Variants in STON2 observed in about 807,000 individuals in gnomAD.
The protein encoded by STON2 is stonin-2.
In STON2, 29 loss-of-function variants were observed where a neutral mutation model predicts 65.7. The ratio of observed to expected loss-of-function variants is 0.44; its 90% CI spans 0.33 to 0.60. The LOEUF (loss-of-function observed/expected upper bound fraction) is 0.60. Ranked by LOEUF, STON2 falls within the 20% of genes least tolerant of loss-of-function variation. STON2 has a pLI of 0.03. For synonymous variants in STON2, 404 were observed against 414.2 expected, an observed-to-expected ratio of 0.98 and a Z score of 0.30; for missense variants, 1,054 against 1,118.1, an observed-to-expected ratio of 0.94 and a Z score of 0.82.
rs1897685038 is a variant in STON2, at chr14:81,343,261, A to G, written c.572-19074T>C. ...CCCCAATCCCAGCATCCTCTGTGGG[A>G]AAAGGACAATAATTTGGCAAAAGAG... On this transcript the variant is annotated intron_variant, in intron 4 of 7. Coordinates refer to ENST00000614646, the MANE Select transcript of STON2 (RefSeq NM_001394390.1). Among the ~76,000 whole-genome samples the G allele has an allele frequency of 2.6e-5, 4 of 152,190 alleles. No individual in the cohort carries two copies. In the South Asian group the frequency reaches 8.3e-4, roughly 32 times the overall value.
At chr14:81,396,317 A>G (rs1383802167) in intron 2 of STON2, 139 bp from the exon 3 acceptor site, 42 of 694,876 alleles carry the variant, frequency 6.0e-5, no homozygotes, top group Non-Finnish European at 8.5e-5. Flanking sequence ...AAAGAGCCAC[A>G]CCCATCTGAC....
chr14:81,318,451 C>A (rs1038797827), intron 5 of STON2, among the ~76,000 whole-genome samples: 1 of 152,224 alleles, frequency 6.6e-6, no homozygotes, highest in Admixed American at 6.5e-5. Flanking sequence ...ACTCCCTCTT[C>A]ATACACCCTT....
upstream of STON2, among the ~76,000 whole-genome samples, chr14:81,405,290 T>C (rs1427697128): frequency 6.6e-6 from 1 of 152,170 alleles, no homozygotes; most frequent in African/African-American, 2.4e-5. Flanking sequence ...ATTCAGCTTT[T>C]CCATTTTATA....
At position 81,312,131 on chromosome 14, in the gene STON2, G is replaced by T. The variant is rs528442651; in HGVS notation, c.742+11886C>A. Among the ~76,000 whole-genome samples the T allele has an allele frequency of 3.3e-5, 5 of 152,356 alleles. No individual in the cohort carries two copies. The East Asian group carries it at 5.8e-4, about 18-fold the overall frequency. On this transcript the variant is annotated intron_variant, in intron 5 of 7. Coordinates refer to ENST00000614646, the MANE Select transcript of STON2 (RefSeq NM_001394390.1). ...ATTCCTTCTCCCTCATAAGAAGAGA[G>T]ATTACATGATTGTCTTAGTCATTTT...
chr14:81,397,230 G>T (rs1442552776), intron 2 of STON2, among the ~76,000 whole-genome samples: 1 of 151,912 alleles, frequency 6.6e-6, no homozygotes, highest in Non-Finnish European at 1.5e-5. Flanking sequence ...TAGCCAACCG[G>T]TCCATCTGCA....
rs1474402482 is a variant in STON2, at chr14:81,264,139, C to T, written c.*4275G>A. 4 of 985,274 alleles carry T rather than the reference C, an allele frequency of 4.1e-6. No homozygotes were observed. The highest frequency in any genetic ancestry group is 6.1e-5 in the Admixed American group (1 of 16,262). The allele number at this position is 985,274 out of a possible 1,614,324, so 61.0% of individuals were successfully genotyped here. On this transcript the variant is annotated 3_prime_UTR_variant, in exon 8 of 8. Transcript: ENST00000614646. The stretch of plus-strand genomic sequence containing the variant: ...TTGCAGGAACAAAGCAATCAATCAC[C>T]GTGACTATGGACAGCATCTATGCTA...
At chr14:81,313,356 T>C (rs781360221) in intron 5 of STON2, among the ~76,000 whole-genome samples, 27 of 152,312 alleles carry the variant, frequency 1.8e-4, no homozygotes, top group Middle Eastern at 3.4e-3. Context: ...AGACTCTCCA[T>C]AAAGCCTGAC....
At position 81,324,100 on chromosome 14, in the gene STON2, C is replaced by T. The variant is rs187959149; in HGVS notation, c.659G>A (p.Arg220His). 4.8e-4 allele frequency among the ~76,000 whole-genome samples: 73 copies of T among 152,234 alleles called. No homozygotes were observed. In the East Asian group the frequency reaches 9.1e-3, roughly 19 times the overall value. The change falls in exon 5 of 8, where the codon CGC becomes CAC. Residue 220 changes from arginine (R) to histidine (H), a missense_variant. Coordinates refer to ENST00000614646, the MANE Select transcript of STON2 (RefSeq NM_001394390.1). ...CSEHTSTRTH[R>H]LDPSPPSPQP... ...GGGTGAGGGTGGCGAGGGGTCCAGG[C>T]GGTGGGTGCGGGTGGAGGTATGCTC...
Position 81,277,036 on chromosome 14 carries a change from G to A in STON2, c.2446C>T (p.Arg816Trp), listed in dbSNP as rs144592188. ...GEKSLKAKVN[R>W]GASFGSTSVS... is the part of the protein sequence containing the mutation. ...CTAGTGGAGCCAAAACTTGCCCCCC[G>A]GTTCACTTTGGCTTTCAAAGACTTT... Residue 816 changes from arginine to tryptophan, a missense_variant, in exon 6 of 8, where the codon CGG becomes TGG. Physicochemically the swap from Arg to Trp is moderately radical, Grantham distance 101 (BLOSUM62 -3). Coordinates refer to ENST00000614646, the MANE Select transcript of STON2 (RefSeq NM_001394390.1). The A allele has an allele frequency of 9.2e-5, 148 of 1,614,058 alleles. No individual in the cohort carries two copies. The highest frequency in any genetic ancestry group is 1.1e-4 in the Non-Finnish European group (134 of 1,180,046).
intron 4 of STON2, among the ~76,000 whole-genome samples, chr14:81,358,849 A>G (rs1898368410): frequency 6.6e-6 from 1 of 152,220 alleles, no homozygotes; most frequent in East Asian, 1.9e-4. Flanking sequence ...CAATGATTAT[A>G]AATACATAAG....
At chr14:81,405,556 T>C (rs778890597) in intron 2 of STON2, among the ~76,000 whole-genome samples, 1 of 150,960 alleles carries the variant, frequency 6.6e-6, no homozygotes, top group East Asian at 1.9e-4. Flanking sequence ...TAATAATTGT[T>C]GGTGATACAC....
intron 7 of STON2, 24 bp downstream of exon 7, chr14:81,270,646 T>C (rs1024771507): frequency 9.9e-6 from 16 of 1,613,988 alleles, no homozygotes; most frequent in Non-Finnish European, 1.4e-5. Context: ...TTGGAAGCAT[T>C]AGCCAGATGC....
rs1894346709 is a variant in STON2, at chr14:81,266,051, C to G, written c.*2363G>C. Reference sequence around the variant, plus strand: ...TGACAAAAACCTCAAAGGAACTCCACTGTATTTCAAAGAGCATGAAAAACC... The same window carrying G: ...TGACAAAAACCTCAAAGGAACTCCAGTGTATTTCAAAGAGCATGAAAAACC... On this transcript the variant is annotated 3_prime_UTR_variant, in exon 8 of 8. Coordinates refer to ENST00000614646, the MANE Select transcript of STON2 (RefSeq NM_001394390.1). 1.0e-6 allele frequency: 1 copy of G among 985,316 alleles called. No individual in the cohort carries two copies. Among genetic ancestry groups the G allele is most frequent in the African/African-American group, 1.7e-5 (1 of 57,230 alleles). 61.0% of individuals were successfully genotyped at this position (985,316 alleles called of 1,614,324 possible). A position where few individuals can be genotyped will look rare whatever the true frequency, so the allele number is the denominator to read the frequency against.
chr14:81,352,715 G>C (rs1445887621), intron 4 of STON2, among the ~76,000 whole-genome samples: 2 of 152,120 alleles, frequency 1.3e-5, no homozygotes, highest in Non-Finnish European at 2.9e-5. Flanking sequence ...ACATCACAGA[G>C]GATATCAATA....
At chr14:81,413,330 T>A in intron 2 of STON2, 1 of 1,059,846 alleles carries the variant, frequency 9.4e-7, no homozygotes, top group South Asian at 1.7e-5. Flanking sequence ...TTTTCAGCCT[T>A]GCTAAGGGAA....
In STON2 at chr14:81,262,935, T is replaced by C; in HGVS notation, c.*5479A>G. 1 of 985,416 alleles carries C rather than the reference T, an allele frequency of 1.0e-6. No homozygotes were observed. The highest frequency in any genetic ancestry group is 1.2e-6 in the Non-Finnish European group (1 of 829,900). The allele number at this position is 985,416 out of a possible 1,614,324, so 61.0% of individuals were successfully genotyped here. ...TAAAGCCAGTCTCATTTAAACAAGATAAGAAATGGTTTGTGGGGAATTAGC... is the reference window on the plus strand; with the variant it reads ...TAAAGCCAGTCTCATTTAAACAAGACAAGAAATGGTTTGTGGGGAATTAGC... On this transcript the variant is annotated 3_prime_UTR_variant, in exon 8 of 8. Coordinates refer to ENST00000614646, the MANE Select transcript of STON2 (RefSeq NM_001394390.1).
At chr14:81,319,568 T>C (rs1412445764) in intron 5 of STON2, among the ~76,000 whole-genome samples, 1 of 152,260 alleles carries the variant, frequency 6.6e-6, no homozygotes, top group Non-Finnish European at 1.5e-5. Context: ...TAATGAACTC[T>C]GAACCACCTG....
At chr14:81,274,795 C>T (rs1894742262) in intron 6 of STON2, among the ~76,000 whole-genome samples, 1 of 152,014 alleles carries the variant, frequency 6.6e-6, no homozygotes, top group Non-Finnish European at 1.5e-5. Flanking sequence ...AATTTAGCTA[C>T]TCAGAAGACT....
intron 5 of STON2, among the ~76,000 whole-genome samples, chr14:81,302,695 A>C (rs1442593168): frequency 3.9e-5 from 6 of 152,256 alleles, no homozygotes; most frequent in Non-Finnish European, 8.8e-5. Context: ...AAATGTCTCC[A>C]CAAGGAATAC....
Sources: gnomAD v4.1 joint callset for allele counts (sites outside exome capture counted in the v4.1 genomes callset) on GRCh38, gnomAD v4.1.1 for gene constraint, MANE v1.5 for transcripts, NCBI Gene and HGNC (gene_info 2026-07-23, HGNC 2026-07-21) for gene names.